Variants in KCNH5 observed in about 807,000 individuals in gnomAD.
KCNH5 encodes voltage-gated delayed rectifier potassium channel KCNH5.
In KCNH5, 46 loss-of-function variants were observed where a neutral mutation model predicts 96.1. The observed-to-expected ratio is 0.48, with a 90% CI of 0.38 to 0.61. The LOEUF (loss-of-function observed/expected upper bound fraction) is 0.61. Ranked by LOEUF, KCNH5 falls within the 20% of genes least tolerant of loss-of-function variation. KCNH5 has a pLI of 0.00. For synonymous variants in KCNH5, 439 were observed against 449.8 expected, an observed-to-expected ratio of 0.98 and a Z score of 0.30; for missense variants, 907 against 1,225.8, an observed-to-expected ratio of 0.74 and a Z score of 3.88.
chr14:62,991,751 T>C (rs1235970367), intron 4 of KCNH5, among the ~76,000 whole-genome samples: 3 of 152,036 alleles, frequency 2.0e-5, no homozygotes, highest in Non-Finnish European at 4.4e-5. Context: ...ACCTATGCTG[T>C]CCTTCTCTCC....
chr14:62,789,757 C>T (rs545888143), intron 9 of KCNH5, among the ~76,000 whole-genome samples: 5 of 151,892 alleles, frequency 3.3e-5, no homozygotes. Context: ...AGGTTTCTTG[C>T]TCACTTTTTA....
chr14:62,719,738 A>C, intron 10 of KCNH5, among the ~76,000 whole-genome samples: 1 of 152,206 alleles, frequency 6.6e-6, no homozygotes, highest in East Asian at 1.9e-4. Flanking sequence ...TGTTACAGGC[A>C]CATACTCCTA....
intron 10 of KCNH5, among the ~76,000 whole-genome samples, chr14:62,754,984 A>G (rs1885589557): frequency 9.9e-6 from 1 of 101,482 alleles, no homozygotes; most frequent in Non-Finnish European, 2.3e-5. Flanking sequence ...GAAGGTTTAT[A>G]AGTGCCTACA....
chr14:62,760,140 C>T (rs980203020), intron 10 of KCNH5, among the ~76,000 whole-genome samples: 1 of 152,178 alleles, frequency 6.6e-6, no homozygotes, highest in Non-Finnish European at 1.5e-5. Context: ...GCACAGGAGA[C>T]TCTCTGCTGT....
intron 8 of KCNH5, among the ~76,000 whole-genome samples, chr14:62,817,254 T>G (rs1019527930): frequency 5.1e-5 from 7 of 136,586 alleles, no homozygotes; most frequent in African/African-American, 1.9e-4. Flanking sequence ...GTATATCATA[T>G]ATATATAATA....
chr14:63,020,132 C>T (rs1460128256), intron 1 of KCNH5, among the ~76,000 whole-genome samples: 1 of 152,070 alleles, frequency 6.6e-6, no homozygotes, highest in Non-Finnish European at 1.5e-5. Context: ...TATACTGCTG[C>T]TCAATTACTA....
At chr14:62,774,073 T>G (rs1886046051) in intron 10 of KCNH5, among the ~76,000 whole-genome samples, 1 of 152,164 alleles carries the variant, frequency 6.6e-6, no homozygotes, top group African/African-American at 2.4e-5. Context: ...TTCATGGTTA[T>G]GACTATTGCA....
chr14:63,038,201 G>T (rs550262020), intron 1 of KCNH5, among the ~76,000 whole-genome samples: 2 of 152,150 alleles, frequency 1.3e-5, no homozygotes, highest in Admixed American at 6.5e-5. Flanking sequence ...CTTGGGGAAA[G>T]AATTAATTAT....
intron 10 of KCNH5, among the ~76,000 whole-genome samples, chr14:62,761,141 G>A (rs1248623979): frequency 6.6e-6 from 1 of 152,068 alleles, no homozygotes; most frequent in Non-Finnish European, 1.5e-5. Flanking sequence ...GATCACCTGA[G>A]GTCAGGAGTT....
At chr14:62,772,033 G>T (rs1051327256) in intron 10 of KCNH5, among the ~76,000 whole-genome samples, 1 of 151,856 alleles carries the variant, frequency 6.6e-6, no homozygotes, top group Non-Finnish European at 1.5e-5. Context: ...TCAAAATTCA[G>T]TTTACATTCT....
chr14:62,710,580 G>A (rs781766907), intron 10 of KCNH5, among the ~76,000 whole-genome samples: 29 of 152,122 alleles, frequency 1.9e-4, no homozygotes, highest in Non-Finnish European at 4.0e-4. Flanking sequence ...GGACATGAGA[G>A]GCCTAATATG....
chr14:62,892,339 C>T (rs1442809945), intron 7 of KCNH5, among the ~76,000 whole-genome samples: 2 of 152,176 alleles, frequency 1.3e-5, no homozygotes, highest in African/African-American at 4.8e-5. Context: ...CAGAGCAAGG[C>T]TCTAACTCTC....
intron 7 of KCNH5, among the ~76,000 whole-genome samples, chr14:62,942,868 A>G (rs998831724): frequency 5.3e-5 from 8 of 152,162 alleles, no homozygotes; most frequent in African/African-American, 1.9e-4. Flanking sequence ...TATAAGACTC[A>G]GTTTGCATTG....
intron 6 of KCNH5, among the ~76,000 whole-genome samples, chr14:62,970,637 TA>T (rs34577687): frequency 2.0e-5 from 3 of 152,174 alleles, no homozygotes; most frequent in Non-Finnish European, 4.4e-5. Flanking sequence ...CAATGTATTT[TA>T]AAAAGTATAC....
chr14:62,708,291 G>A lies in KCNH5; in HGVS notation c.2184C>T (p.Asp728=), dbSNP rs1417285699. ...ELRNQGSTQG[D]PERNQLQVES... ...CTACCTGGAGTTGGTTCCTCTCAGG[G>A]TCACCCTGTGTTGAGCCCTGATTCC... Residue 728 remains aspartate (D), a synonymous_variant, in exon 11 of 11, where the codon GAC becomes GAT. Transcript: ENST00000322893. 3.1e-6 allele frequency: 5 copies of A among 1,614,032 alleles called. No individual in the cohort carries two copies. The Admixed American group carries it at 5.0e-5, about 16-fold the overall frequency.
At chr14:63,000,248 G>A (rs1163011003) in intron 4 of KCNH5, among the ~76,000 whole-genome samples, 2 of 152,116 alleles carry the variant, frequency 1.3e-5, no homozygotes, top group Admixed American at 6.6e-5. Flanking sequence ...AAGGAAAGGC[G>A]ATGTTTGTCA....
In KCNH5 at chr14:63,028,720, G is replaced by T. The variant is rs554623328; in HGVS notation, c.74-11766C>A. Among the ~76,000 whole-genome samples the T allele has an allele frequency of 1.2e-4, 18 of 152,250 alleles. No individual in the cohort carries two copies. In the East Asian group the frequency reaches 3.1e-3, roughly 26 times the overall value. The stretch of plus-strand genomic sequence containing the variant: ...TTCCTGTTAGACTGGAAGCAGAGTT[G>T]TTTAGGGAGAAGAACACAGAAGTTA... On this transcript the variant is annotated intron_variant, in intron 1 of 10. Coordinates refer to ENST00000322893, the MANE Select transcript of KCNH5 (RefSeq NM_139318.5).
chr14:62,746,919 T>C (rs1030759260), intron 10 of KCNH5, among the ~76,000 whole-genome samples: 5 of 152,240 alleles, frequency 3.3e-5, no homozygotes, highest in Non-Finnish European at 5.9e-5. Flanking sequence ...AAATAGTGTT[T>C]TTAGAAAAAT....
intron 10 of KCNH5, among the ~76,000 whole-genome samples, chr14:62,760,550 A>G (rs754116282): frequency 3.3e-5 from 5 of 152,250 alleles, no homozygotes; most frequent in Non-Finnish European, 5.9e-5. Flanking sequence ...TACAGATGAC[A>G]TTACTCTCTA....
Sources: allele counts gnomAD v4.1 joint callset (sites outside exome capture counted in the v4.1 genomes callset), GRCh38; gene constraint gnomAD v4.1.1; transcripts MANE v1.5; gene names NCBI Gene and HGNC (gene_info 2026-07-23, HGNC 2026-07-21).